Variants in ERICH6B observed in about 807,000 individuals in gnomAD.
ERICH6B encodes the protein glutamate-rich protein 6B.
Under a neutral mutation model 80.0 loss-of-function variants are expected in ERICH6B, and 69 were observed. The observed-to-expected ratio is 0.86, with a 90% confidence interval of 0.71 to 1.05. The LOEUF (loss-of-function observed/expected upper bound fraction) is 1.05, where lower values mean the gene tolerates loss of function less well. Among genes scored for constraint, ERICH6B ranks in the 50% least tolerant of loss-of-function variants. The pLI is 0.00. For missense variants in ERICH6B, 754 were observed against 796.1 expected (o/e 0.95, Z 0.64); for synonymous variants, 283 against 291.9 (o/e 0.97, Z 0.31).
intron 4 of ERICH6B, among the ~76,000 whole-genome samples, chr13:45,590,375 T>C (rs1412599223): frequency 6.6e-6 from 1 of 152,134 alleles, no homozygotes; most frequent in Non-Finnish European, 1.5e-5. Flanking sequence ...CAGTCTCTCC[T>C]GGTTGAGACC....
chr13:45,551,564 A>G (rs1330115885), intron 11 of ERICH6B: 2 of 152,214 alleles, frequency 1.3e-5, no homozygotes, highest in Non-Finnish European at 2.9e-5. Flanking sequence ...TTCTGAGATT[A>G]GACAAGATTG....
intron 5 of ERICH6B, among the ~76,000 whole-genome samples, chr13:45,581,859 T>C (rs1428224340): frequency 6.6e-6 from 1 of 152,220 alleles, no homozygotes; most frequent in Non-Finnish European, 1.5e-5. Context: ...TATTAGTTCT[T>C]CAGCAAGAGG....
At chr13:45,599,539 A>T (rs182509606) in intron 2 of ERICH6B, among the ~76,000 whole-genome samples, 1 of 152,314 alleles carries the variant, frequency 6.6e-6, no homozygotes, top group East Asian at 1.9e-4. Flanking sequence ...AACAAAAAAA[A>T]GTGTATTGGC....
At chr13:45,562,131 T>C (rs556175931) in intron 10 of ERICH6B, among the ~76,000 whole-genome samples, 6 of 152,326 alleles carry the variant, frequency 3.9e-5, no homozygotes, top group Non-Finnish European at 8.8e-5. Context: ...GGCATGACCC[T>C]GGCTCACTGC....
chr13:45,560,411 C>T (rs529153209), intron 11 of ERICH6B, among the ~76,000 whole-genome samples: 1 of 152,294 alleles, frequency 6.6e-6, no homozygotes, highest in African/African-American at 2.4e-5. Flanking sequence ...ATCAACACCC[C>T]CCCACCTGAG....
At chr13:45,542,880 T>A (rs771407444) in intron 14 of ERICH6B, among the ~76,000 whole-genome samples, 1 of 152,244 alleles carries the variant, frequency 6.6e-6, no homozygotes, top group Non-Finnish European at 1.5e-5. Context: ...GAAAGTCCCA[T>A]GTCCCAGGAA....
At chr13:45,562,979 C>T (rs73482445) in intron 10 of ERICH6B, among the ~76,000 whole-genome samples, 14,391 of 152,160 alleles carry the variant, frequency 0.095, 1,993 homozygotes, top group African/African-American at 0.3. Context: ...ATGAATATGG[C>T]TATCATTTTC....
chr13:45,609,619 C>G (rs1949888388), intron 1 of ERICH6B, among the ~76,000 whole-genome samples: 3 of 152,254 alleles, frequency 2.0e-5, no homozygotes, highest in Admixed American at 2.0e-4. Context: ...TTGATAGGAG[C>G]TCGACAAATA....
Position 45,546,081 on chromosome 13 carries a change from G to A in ERICH6B, c.1647-1096C>T, listed in dbSNP as rs570466093. Among the ~76,000 whole-genome samples, 5 of 152,120 alleles carry A rather than the reference G, an allele frequency of 3.3e-5. No homozygotes were observed. In the East Asian group the frequency reaches 7.7e-4, roughly 23 times the overall value. ...GGCAGGGACCTTGTCTGTCTGCTGCGCTGCTGAATTCCTGTTGCCCAGCCT... is the reference window on the plus strand; with the variant it reads ...GGCAGGGACCTTGTCTGTCTGCTGCACTGCTGAATTCCTGTTGCCCAGCCT... On this transcript the variant is annotated intron_variant, in intron 13 of 14. Coordinates refer to ENST00000298738, the MANE Select transcript of ERICH6B (RefSeq NM_182542.3).
chr13:45,586,975 G>C, intron 5 of ERICH6B, 88 bp downstream of exon 5: 1 of 1,361,388 alleles, frequency 7.3e-7, no homozygotes, highest in Non-Finnish European at 9.9e-7. Context: ...CAATACTCGA[G>C]CCACAATATT....
In ERICH6B at chr13:45,561,396, A is replaced by G. The variant is rs1178765387; in HGVS notation, c.1380T>C (p.Asp460=). ...CTGTCTTCTTCTGTATCCATTCCTT[A>G]TCTCGTTCTAATTTCTTCCTATGAT... is the stretch of plus-strand genomic sequence containing the variant. The part of the protein sequence containing the change: ...VVHHRKKLER[D]KEWIQKKTVV... Residue 460 remains aspartate, a synonymous_variant, in exon 11 of 15, where the codon GAT becomes GAC. Coordinates refer to ENST00000298738, the MANE Select transcript of ERICH6B (RefSeq NM_182542.3). 1 of 1,552,250 alleles carries G rather than the reference A, an allele frequency of 6.4e-7. No homozygotes were observed. The highest frequency in any genetic ancestry group is 8.7e-7 in the Non-Finnish European group (1 of 1,147,120).
chr13:45,577,274 A>ACCTTTTTTTTTT (rs1566295865), intron 7 of ERICH6B, among the ~76,000 whole-genome samples: 26 of 110,806 alleles, frequency 2.3e-4, no homozygotes, highest in African/African-American at 1.0e-3. Flanking sequence ...TTAAAAACAA[A>ACCTTTTTTTTTT]TCTTTTTTTT....
intron 1 of ERICH6B, among the ~76,000 whole-genome samples, chr13:45,613,841 T>C (rs963667498): frequency 2.0e-5 from 3 of 152,178 alleles, no homozygotes; most frequent in South Asian, 2.1e-4. Flanking sequence ...TTTTTAGTTA[T>C]ACAACACAAG....
chr13:45,542,011 A>G (rs915065180), intron 14 of ERICH6B, among the ~76,000 whole-genome samples: 1 of 152,026 alleles, frequency 6.6e-6, no homozygotes, highest in Admixed American at 6.5e-5. Flanking sequence ...GCTTCTCCCC[A>G]TGGGGTCCCG....
intron 4 of ERICH6B, among the ~76,000 whole-genome samples, chr13:45,588,711 T>G (rs924003907): frequency 6.6e-6 from 1 of 152,228 alleles, no homozygotes; most frequent in Non-Finnish European, 1.5e-5. Context: ...TCATGTACTT[T>G]TCCCCCCAGA....
intron 13 of ERICH6B, 73 bp from the exon 14 acceptor site, chr13:45,545,058 CCTTT>C: frequency 8.2e-7 from 1 of 1,226,032 alleles, no homozygotes; most frequent in South Asian, 1.5e-5. Flanking sequence ...CTTCTCCTTC[CCTTT>C]CTTTTCCCCT....
intron 5 of ERICH6B, 80 bp from the exon 6 acceptor site, chr13:45,580,745 T>C (rs1332177827): frequency 4.2e-6 from 6 of 1,416,372 alleles, no homozygotes; most frequent in Non-Finnish European, 5.8e-6. Context: ...GTATGTGGGG[T>C]CCCAGGTTCT....
chr13:45,578,654 C>T (rs186299432), intron 7 of ERICH6B, among the ~76,000 whole-genome samples: 3 of 152,310 alleles, frequency 2.0e-5, no homozygotes, highest in Admixed American at 2.0e-4. Context: ...AGGCAGATGG[C>T]TAAAGGGTTG....
intron 1 of ERICH6B, among the ~76,000 whole-genome samples, chr13:45,608,992 C>T (rs1351043147): frequency 1.3e-5 from 2 of 152,238 alleles, no homozygotes; most frequent in Non-Finnish European, 2.9e-5. Context: ...CGTAAGTCCT[C>T]TTGCACCACC....
Sources: gnomAD v4.1 joint callset for allele counts (sites outside exome capture counted in the v4.1 genomes callset) on GRCh38, gnomAD v4.1.1 for gene constraint, MANE v1.5 for transcripts, NCBI Gene and HGNC (gene_info 2026-07-23, HGNC 2026-07-21) for gene names.